EPCIP: variants seen among roughly 807,000 people sequenced by gnomAD.
EPCIP encodes exosomal polycystin-1-interacting protein.
chr21:32,792,352 C>A, the EPCIP span, among the ~76,000 whole-genome samples: 1 of 152,172 alleles, frequency 6.6e-6, no homozygotes, highest in African/African-American at 2.4e-5. Context: ...GCAATCTTAA[C>A]CTTCCAAATG....
At chr21:32,793,157 A>T in the EPCIP span, among the ~76,000 whole-genome samples, 1 of 152,010 alleles carries the variant, frequency 6.6e-6, no homozygotes, top group East Asian at 1.9e-4. Context: ...GGGTTTCTCC[A>T]TGTTGGTCAG....
chr21:32,805,237 A>G, the EPCIP span, among the ~76,000 whole-genome samples: 1 of 152,238 alleles, frequency 6.6e-6, no homozygotes, highest in Admixed American at 6.5e-5. Flanking sequence ...TGGAGTCTCC[A>G]GAAGGAACCA....
the EPCIP span, among the ~76,000 whole-genome samples, chr21:32,813,047 T>C: frequency 6.6e-6 from 1 of 152,158 alleles, no homozygotes; most frequent in Admixed American, 6.5e-5. Flanking sequence ...GGTGTGTAAA[T>C]AGGCAGTAAA....
At chr21:32,809,279 C>CTCT in the EPCIP span, among the ~76,000 whole-genome samples, 2 of 79,968 alleles carry the variant, frequency 2.5e-5, no homozygotes, top group African/African-American at 9.3e-5. Flanking sequence ...CTCCCTCCTT[C>CTCT]CTTTCTTTCT....
At chr21:32,798,064 G>T in the EPCIP span, 13 of 152,238 alleles carry the variant, frequency 8.5e-5, no homozygotes, top group African/African-American at 3.1e-4. Context: ...GCTGGGTGTG[G>T]TGGCTCATAC....
chr21:32,793,500 G>A, the EPCIP span: 1 of 551,698 alleles, frequency 1.8e-6, no homozygotes, highest in African/African-American at 1.9e-5. Flanking sequence ...AGCCTAGCTG[G>A]CTCCCAAGAC....
chr21:32,798,882 G>C, the EPCIP span: 4 of 151,422 alleles, frequency 2.6e-5, no homozygotes, highest in African/African-American at 9.7e-5. Context: ...AGAATCACTT[G>C]AACCTGGGAG....
At chr21:32,807,107 AGGG>A in the EPCIP span, among the ~76,000 whole-genome samples, 1 of 152,160 alleles carries the variant, frequency 6.6e-6, no homozygotes, top group Non-Finnish European at 1.5e-5. Flanking sequence ...CCACAACATG[AGGG>A]AATGATGAGA....
the EPCIP span, among the ~76,000 whole-genome samples, chr21:32,791,925 A>T: frequency 1.4e-4 from 21 of 146,504 alleles, no homozygotes; most frequent in East Asian, 2.6e-3. Flanking sequence ...TTTTTTTGAG[A>T]TGGAGTTTTG....
the EPCIP span, among the ~76,000 whole-genome samples, chr21:32,803,551 A>T: frequency 6.6e-6 from 1 of 152,200 alleles, no homozygotes; most frequent in Admixed American, 6.5e-5. Flanking sequence ...ATGCTCTTGA[A>T]AAAAGGGATT....
At chr21:32,809,334 T>C in the EPCIP span, among the ~76,000 whole-genome samples, 7 of 145,246 alleles carry the variant, frequency 4.8e-5, no homozygotes, top group African/African-American at 1.6e-4. Context: ...CTTTCTTTCT[T>C]TCTTTCTTTC....
chr21:32,813,688 C>T, the EPCIP span: 1 of 471,078 alleles, frequency 2.1e-6, no homozygotes. Context: ...GTTTAATCTG[C>T]AAGCCAGGGT....
At chr21:32,793,352 T>G in the EPCIP span, among the ~76,000 whole-genome samples, 1 of 152,110 alleles carries the variant, frequency 6.6e-6, no homozygotes, top group African/African-American at 2.4e-5. Flanking sequence ...AGAAAAAAAT[T>G]AAGGCAGTAT....
chr21:32,805,777 C>T, the EPCIP span, among the ~76,000 whole-genome samples: 1 of 152,156 alleles, frequency 6.6e-6, no homozygotes, highest in African/African-American at 2.4e-5. Context: ...GTATTCACAG[C>T]CCTGCAGTGT....
At chr21:32,794,205 G>A in the EPCIP span, 25 of 1,614,256 alleles carry the variant, frequency 1.5e-5, no homozygotes, top group South Asian at 1.4e-4. Flanking sequence ...TAGCTGGTTC[G>A]CTCTACTGCA....
chr21:32,811,307 T>C, the EPCIP span, among the ~76,000 whole-genome samples: 2 of 152,170 alleles, frequency 1.3e-5, no homozygotes, highest in African/African-American at 4.8e-5. Flanking sequence ...AATTTTTGTA[T>C]TTTTAGTACA....
chr21:32,792,088 G>C, the EPCIP span, among the ~76,000 whole-genome samples: 11 of 151,986 alleles, frequency 7.2e-5, no homozygotes, highest in Non-Finnish European at 1.6e-4. Flanking sequence ...ATTTTTAGTA[G>C]AGACAGGGTT....
the EPCIP span, chr21:32,794,514 A>G: frequency 2.5e-6 from 3 of 1,200,096 alleles, no homozygotes; most frequent in Non-Finnish European, 3.5e-6. Context: ...CTTTATCACA[A>G]CCTTTCATTT....
the EPCIP span, chr21:32,797,134 C>T: frequency 5.4e-6 from 2 of 372,840 alleles, no homozygotes; most frequent in Non-Finnish European, 1.1e-5. Flanking sequence ...AGAACAAAAA[C>T]ACATGCCTAG....
Sources: allele counts gnomAD v4.1 joint callset (sites outside exome capture counted in the v4.1 genomes callset), GRCh38; gene constraint gnomAD v4.1.1; transcripts MANE v1.5; gene names NCBI Gene and HGNC (gene_info 2026-07-23, HGNC 2026-07-21).